Variants in ENOX1 observed in about 807,000 individuals in gnomAD.
ENOX1 encodes the protein candidate growth-related and time keeping constitutive hydroquinone (NADH) oxidase.
In ENOX1, 42 loss-of-function variants were observed where a neutral mutation model predicts 82.5. The ratio of observed to expected loss-of-function variants is 0.51; its 90% CI spans 0.40 to 0.66. The LOEUF (loss-of-function observed/expected upper bound fraction) is 0.66, where lower values mean the gene tolerates loss of function less well. Ranked by LOEUF, ENOX1 falls within the 30% of genes least tolerant of loss-of-function variation. The probability of loss-of-function intolerance (pLI) is 0.00; values close to 1 mark genes in which losing one functional copy is unlikely to be tolerated. For synonymous variants in ENOX1, 271 were observed against 282.2 expected (o/e 0.96, Z 0.40); for missense variants, 608 against 811.6 (o/e 0.75, Z 3.05).
At chr13:43,722,962 C>G (rs1261084280) in intron 1 of ENOX1, among the ~76,000 whole-genome samples, 1 of 152,164 alleles carries the variant, frequency 6.6e-6, no homozygotes, top group Non-Finnish European at 1.5e-5. Flanking sequence ...ATTACATCAT[C>G]ATAAAACAGA....
intron 3 of ENOX1, among the ~76,000 whole-genome samples, chr13:43,483,410 T>C (rs1331352746): frequency 3.3e-5 from 5 of 152,184 alleles, no homozygotes; most frequent in Admixed American, 2.0e-4. Flanking sequence ...AGCTTTTTCC[T>C]TGAGTAAGCA....
intron 3 of ENOX1, among the ~76,000 whole-genome samples, chr13:43,418,833 A>G (rs1256023814): frequency 1.3e-5 from 2 of 152,216 alleles, no homozygotes; most frequent in Non-Finnish European, 2.9e-5. Context: ...TCAACAAAAT[A>G]TATTTATGTT....
intron 1 of ENOX1, among the ~76,000 whole-genome samples, chr13:43,779,305 G>A (rs1408789318): frequency 2.6e-5 from 4 of 152,116 alleles, no homozygotes; most frequent in African/African-American, 7.2e-5. Context: ...TACTGGTAGA[G>A]GAATGGAGAA....
chr13:43,676,468 C>T (rs2085514201), intron 1 of ENOX1, among the ~76,000 whole-genome samples: 1 of 152,154 alleles, frequency 6.6e-6, no homozygotes, highest in Non-Finnish European at 1.5e-5. Flanking sequence ...AGGACTCCCA[C>T]CTCAAATTTA....
At chr13:43,779,659 A>G (rs1368316566) in intron 1 of ENOX1, among the ~76,000 whole-genome samples, 1 of 152,204 alleles carries the variant, frequency 6.6e-6, no homozygotes, top group Admixed American at 6.5e-5. Context: ...TGGGATTCCT[A>G]TGAACAGACA....
At chr13:43,628,563 C>T (rs1196946878) in intron 2 of ENOX1, among the ~76,000 whole-genome samples, 1 of 152,164 alleles carries the variant, frequency 6.6e-6, no homozygotes, top group Non-Finnish European at 1.5e-5. Flanking sequence ...TAGCTGCTTT[C>T]AAATCCTTTT....
At chr13:43,484,779 A>C (rs1229666505) in intron 2 of ENOX1, among the ~76,000 whole-genome samples, 1 of 152,224 alleles carries the variant, frequency 6.6e-6, no homozygotes, top group African/African-American at 2.4e-5. Context: ...TGCCTAATTT[A>C]CTTTAGTTTT....
intron 2 of ENOX1, among the ~76,000 whole-genome samples, chr13:43,649,074 T>C (rs934915351): frequency 6.6e-6 from 1 of 152,212 alleles, no homozygotes; most frequent in Non-Finnish European, 1.5e-5. Context: ...TAAAGTGTCA[T>C]ATCATGTAGG....
intron 2 of ENOX1, among the ~76,000 whole-genome samples, chr13:43,551,168 C>A (rs1714669875): frequency 6.6e-6 from 1 of 152,130 alleles, no homozygotes; most frequent in African/African-American, 2.4e-5. Flanking sequence ...TTCTCAAATA[C>A]TTTTCCAAGT....
chr13:43,265,045 A>G (rs577110752), intron 14 of ENOX1, among the ~76,000 whole-genome samples: 2 of 152,298 alleles, frequency 1.3e-5, no homozygotes, highest in South Asian at 4.1e-4. Flanking sequence ...AGGCAAACTT[A>G]ATGAATATAC....
At chr13:43,311,125 C>T (rs2047176775) in intron 11 of ENOX1, among the ~76,000 whole-genome samples, 1 of 151,970 alleles carries the variant, frequency 6.6e-6, no homozygotes, top group Non-Finnish European at 1.5e-5. Flanking sequence ...CCCTGAGAGA[C>T]ACACTCGACA....
At chr13:43,527,860 A>G (rs1291434801) in intron 2 of ENOX1, among the ~76,000 whole-genome samples, 1 of 152,118 alleles carries the variant, frequency 6.6e-6, no homozygotes, top group East Asian at 1.9e-4. Flanking sequence ...TTTCTTCTAA[A>G]TATTGTTTTC....
At chr13:43,534,810 G>A (rs117261406) in intron 2 of ENOX1, among the ~76,000 whole-genome samples, 4,241 of 152,190 alleles carry the variant, frequency 0.028, 74 homozygotes, top group Non-Finnish European at 0.043. Flanking sequence ...AGAAGTTAGG[G>A]GTGCTGCTAA....
At chr13:43,659,209 C>T (rs2084594834) in intron 2 of ENOX1, among the ~76,000 whole-genome samples, 1 of 152,192 alleles carries the variant, frequency 6.6e-6, no homozygotes, top group East Asian at 1.9e-4. Flanking sequence ...ATTCTTCTGG[C>T]CGGGCACTGT....
intron 2 of ENOX1, among the ~76,000 whole-genome samples, chr13:43,504,701 T>A (rs1030273277): frequency 2.0e-5 from 3 of 151,456 alleles, no homozygotes; most frequent in African/African-American, 2.4e-5. Flanking sequence ...AGGGTAAAAA[T>A]GTTCAGTTAT....
chr13:43,252,230 C>T (rs1002183230), intron 14 of ENOX1, among the ~76,000 whole-genome samples: 1 of 152,170 alleles, frequency 6.6e-6, no homozygotes, highest in African/African-American at 2.4e-5. Context: ...CTGAGCATCA[C>T]GGCCACAAGT....
intron 3 of ENOX1, among the ~76,000 whole-genome samples, chr13:43,455,791 G>A (rs1174245102): frequency 6.6e-6 from 1 of 151,936 alleles, no homozygotes; most frequent in African/African-American, 2.4e-5. Context: ...CATGAGATCT[G>A]ACGGTTTTAT....
intron 2 of ENOX1, among the ~76,000 whole-genome samples, chr13:43,512,094 T>C (rs1013679292): frequency 7.9e-5 from 12 of 152,266 alleles, no homozygotes; most frequent in East Asian, 5.8e-4. Context: ...TACATATACA[T>C]GTATTCATTA....
intron 1 of ENOX1, among the ~76,000 whole-genome samples, chr13:43,683,406 T>C (rs571893277): frequency 4.6e-5 from 7 of 152,254 alleles, no homozygotes; most frequent in African/African-American, 1.7e-4. Flanking sequence ...ACTACACTAA[T>C]GTAATGGCTA....
Sources: allele counts gnomAD v4.1 joint callset (sites outside exome capture counted in the v4.1 genomes callset), GRCh38; gene constraint gnomAD v4.1.1; transcripts MANE v1.5; gene names NCBI Gene and HGNC (gene_info 2026-07-23, HGNC 2026-07-21).